The following SORCS1 variants were observed in gnomAD, a reference collection of about 807,000 sequenced individuals.
SORCS1 encodes the protein VPS10 domain-containing receptor SorCS1.
In SORCS1, 60 loss-of-function variants were observed where a neutral mutation model predicts 146.1. The observed-to-expected ratio is 0.41, with a 90% CI of 0.33 to 0.51. The LOEUF (loss-of-function observed/expected upper bound fraction) is 0.51. Among genes scored for constraint, SORCS1 ranks in the 20% least tolerant of loss-of-function variants. The pLI, the probability that SORCS1 is intolerant of heterozygous loss-of-function variation, is 0.21. For synonymous variants in SORCS1, 637 were observed against 584.0 expected, an observed-to-expected ratio of 1.09 and a Z score of -1.31; for missense variants, 1,352 against 1,487.6, an observed-to-expected ratio of 0.91 and a Z score of 1.50.
At chr10:106,620,672 G>C in intron 19 of SORCS1, 111 bp from the exon 20 acceptor site, 7 of 1,336,220 alleles carry the variant, frequency 5.2e-6, no homozygotes. Context: ...AAACCTGGCT[G>C]CCATATTCCC....
intron 2 of SORCS1, among the ~76,000 whole-genome samples, chr10:106,945,528 G>A (rs1467032091): frequency 6.6e-6 from 1 of 152,136 alleles, no homozygotes; most frequent in East Asian, 1.9e-4. Flanking sequence ...GTATCTCAAG[G>A]GACTTCACAG....
chr10:106,910,704 T>C (rs191916272), intron 2 of SORCS1, among the ~76,000 whole-genome samples: 9 of 152,364 alleles, frequency 5.9e-5, no homozygotes, highest in Admixed American at 1.3e-4. Flanking sequence ...ACAATAATAA[T>C]GTGACCAGAG....
chr10:106,992,137 T>C (rs1410588227), intron 1 of SORCS1, among the ~76,000 whole-genome samples: 2 of 152,122 alleles, frequency 1.3e-5, no homozygotes, highest in East Asian at 3.9e-4. Context: ...TGTTGGATGC[T>C]TGTTTGTATT....
At position 107,065,510 on chromosome 10, in the gene SORCS1, C is replaced by CTCTTTCTT. The variant is rs56776512; in HGVS notation, c.558+98451_558+98458dup. On this transcript the variant is annotated intron_variant, in intron 1 of 25. Coordinates refer to ENST00000263054, the MANE Select transcript of SORCS1 (RefSeq NM_052918.5). ...CTCCTCTCCTCTCCTCTCCTCTCCTCTCTTTCTTTCTTTCTTTCTTTCTCT... is the reference window on the plus strand; with the variant it reads ...CTCCTCTCCTCTCCTCTCCTCTCCTCTCTTTCTTTCTTTCTTTCTTTCTTTCTTTCTCT... 6.9e-3 allele frequency among the ~76,000 whole-genome samples: 596 copies of CTCTTTCTT among 86,392 alleles called. 30 individuals carry two copies. Among genetic ancestry groups the CTCTTTCTT allele is most frequent in the African/African-American group, 0.028 (547 of 19,298 alleles). 56.7% of individuals were successfully genotyped at this position (86,392 alleles called of 152,430 possible).
At chr10:106,734,550 C>CA (rs1856817878) in intron 5 of SORCS1, among the ~76,000 whole-genome samples, 1 of 152,092 alleles carries the variant, frequency 6.6e-6, no homozygotes, top group South Asian at 2.1e-4. Flanking sequence ...GATAGATTAG[C>CA]AAAAAGCATT....
intron 1 of SORCS1, among the ~76,000 whole-genome samples, chr10:106,958,148 T>C (rs1589792903): frequency 6.6e-6 from 1 of 152,244 alleles, no homozygotes; most frequent in African/African-American, 2.4e-5. Flanking sequence ...CAGAGCAGTG[T>C]GTGTTCCTAA....
intron 1 of SORCS1, among the ~76,000 whole-genome samples, chr10:107,003,429 A>AGTGTGTGTGTGT (rs59467041): frequency 2.8e-5 from 4 of 140,436 alleles, no homozygotes; most frequent in South Asian, 2.5e-4. Flanking sequence ...AATTCCCATA[A>AGTGTGTGTGTGT]GTGTGTGTGT....
At chr10:106,800,971 G>A (rs559828235) in intron 3 of SORCS1, among the ~76,000 whole-genome samples, 141 of 152,210 alleles carry the variant, frequency 9.3e-4, no homozygotes, top group African/African-American at 3.2e-3. Flanking sequence ...CTACTTTGTC[G>A]TTATTTCCTT....
chr10:106,597,584 G>C, intron 23 of SORCS1, 134 bp from the exon 24 acceptor site: 4 of 633,790 alleles, frequency 6.3e-6, no homozygotes, highest in Non-Finnish European at 1.1e-5. Context: ...AGGTTTATAT[G>C]ATTTTGATTT....
At chr10:107,087,833 C>T (rs573834414) in intron 1 of SORCS1, among the ~76,000 whole-genome samples, 2 of 152,370 alleles carry the variant, frequency 1.3e-5, no homozygotes, top group Non-Finnish European at 2.9e-5. Flanking sequence ...CTTCCCATAG[C>T]TCCTGCCTGT....
At chr10:106,694,020 G>A (rs1853502649) in intron 9 of SORCS1, among the ~76,000 whole-genome samples, 1 of 152,082 alleles carries the variant, frequency 6.6e-6, no homozygotes, top group African/African-American at 2.4e-5. Flanking sequence ...AACGACTGTG[G>A]CAAGAAAGAG....
chr10:106,642,052 G>A (rs1849106146), intron 18 of SORCS1, among the ~76,000 whole-genome samples: 5 of 152,180 alleles, frequency 3.3e-5, no homozygotes, highest in Admixed American at 3.3e-4. Context: ...ACTATTTGCT[G>A]AGACAGTTGA....
intron 1 of SORCS1, among the ~76,000 whole-genome samples, chr10:107,152,167 G>A (rs1045647846): frequency 2.0e-5 from 3 of 152,208 alleles, no homozygotes; most frequent in Non-Finnish European, 4.4e-5. Flanking sequence ...CTTTCACATG[G>A]TGTTAGCCCT....
chr10:107,012,338 T>G (rs1957729102), intron 1 of SORCS1, among the ~76,000 whole-genome samples: 1 of 152,146 alleles, frequency 6.6e-6, no homozygotes, highest in Non-Finnish European at 1.5e-5. Context: ...AAAGCCAAAG[T>G]GCTGGAGTTG....
intron 1 of SORCS1, among the ~76,000 whole-genome samples, chr10:107,056,678 C>T (rs747322645): frequency 1.8e-4 from 28 of 152,154 alleles, no homozygotes; most frequent in African/African-American, 2.4e-4. Flanking sequence ...TGATAAAAAG[C>T]AAGAGGACAA....
intron 1 of SORCS1, among the ~76,000 whole-genome samples, chr10:107,028,257 T>G (rs1958493574): frequency 6.6e-6 from 1 of 152,212 alleles, no homozygotes. Flanking sequence ...AAGCATTAAA[T>G]AGTTTCTCAC....
At chr10:106,823,834 C>T (rs2136947323) in intron 3 of SORCS1, among the ~76,000 whole-genome samples, 1 of 152,302 alleles carries the variant, frequency 6.6e-6, no homozygotes, top group South Asian at 2.1e-4. Flanking sequence ...TCCCCAGCTG[C>T]ATGTAACTTC....
At chr10:106,661,579 A>G (rs11193006) in intron 17 of SORCS1, among the ~76,000 whole-genome samples, 26,974 of 152,166 alleles carry the variant, frequency 0.18, 3,512 homozygotes, top group African/African-American at 0.36. Context: ...ATTGGTGATG[A>G]CACACATTTT....
intron 3 of SORCS1, among the ~76,000 whole-genome samples, chr10:106,808,378 C>T (rs1438262590): frequency 1.3e-5 from 2 of 152,168 alleles, no homozygotes; most frequent in East Asian, 3.9e-4. Context: ...GTGTTTGTGA[C>T]CTCCTGGCCC....
Sources: allele counts gnomAD v4.1 joint callset (sites outside exome capture counted in the v4.1 genomes callset), GRCh38; gene constraint gnomAD v4.1.1; transcripts MANE v1.5; gene names NCBI Gene and HGNC (gene_info 2026-07-23, HGNC 2026-07-21).